Variants in TCF3 observed in about 807,000 individuals in gnomAD.
TCF3 encodes the protein transcription factor 3, also known as transcription factor E2-alpha.
Under a neutral mutation model 72.3 loss-of-function variants are expected in TCF3, and 54 were observed. The ratio of observed to expected loss-of-function variants is 0.75; its 90% CI spans 0.60 to 0.94. The LOEUF is 0.94. Among genes scored for constraint, TCF3 ranks in the 40% least tolerant of loss-of-function variants. The pLI is 0.00. For missense variants in TCF3, 1,078 were observed against 934.4 expected, an observed-to-expected ratio of 1.15 and a Z score of -2.00; for synonymous variants, 525 against 412.6, an observed-to-expected ratio of 1.27 and a Z score of -3.30.
chr19:1,647,313 G>C (rs538176563), intron 2 of TCF3, among the ~76,000 whole-genome samples: 1 of 152,236 alleles, frequency 6.6e-6, no homozygotes, highest in Non-Finnish European at 1.5e-5. Flanking sequence ...TGCGTTTTAA[G>C]GCTCCCATCG....
chr19:1,633,470 C>A (rs2063972925), intron 3 of TCF3, among the ~76,000 whole-genome samples: 1 of 152,052 alleles, frequency 6.6e-6, no homozygotes, highest in Non-Finnish European at 1.5e-5. Flanking sequence ...CCGCCCCCTG[C>A]CCTCCCTGCT....
chr19:1,648,444 T>C (rs1263626800), intron 2 of TCF3, among the ~76,000 whole-genome samples: 2 of 152,160 alleles, frequency 1.3e-5, no homozygotes, highest in African/African-American at 4.8e-5. Flanking sequence ...GGAGACGTGC[T>C]GAGTGGCTTG....
chr19:1,648,746 C>T (rs936355118), intron 2 of TCF3, among the ~76,000 whole-genome samples: 2 of 144,018 alleles, frequency 1.4e-5, no homozygotes, highest in Non-Finnish European at 3.0e-5. Context: ...GCCTCATAGG[C>T]GGGAGGGTTA....
chr19:1,615,359 T>C lies in TCF3; in HGVS notation c.1748A>G (p.Glu583Gly). ...GRMCQLHLNSEKPQTKLLILH... is the reference protein window; with the variant it reads ...GRMCQLHLNSGKPQTKLLILH... ...GATGAGCAGTTTGGTCTGGGGCTTC[T>C]CGCTGTTGAGGTGCAGTTGGCACAT... The change falls in exon 18 of 19, where the codon GAG becomes GGG. Residue 583 changes from glutamate (E) to glycine (G), a missense_variant. By Grantham distance (98) the Glu-to-Gly change is moderately conservative. Coordinates refer to ENST00000262965, the MANE Select transcript of TCF3 (RefSeq NM_003200.5). This position sits in a 1 kb window ranked among gnomAD's most constrained non-coding sequence, Gnocchi z 7.3. The C allele has an allele frequency of 6.2e-7, 1 of 1,613,814 alleles. No homozygotes were observed.
chr19:1,611,473 G>A lies in TCF3; in HGVS notation c.*234C>T. Reference sequence around the variant, plus strand: ...AGAGTGACACGGTGGCTGAGATTCGGGGACAGGGGGAGCGAGGCCAGTGAG... The same window carrying A: ...AGAGTGACACGGTGGCTGAGATTCGAGGACAGGGGGAGCGAGGCCAGTGAG... On this transcript the variant is annotated 3_prime_UTR_variant, in exon 19 of 19. Coordinates refer to ENST00000262965, the MANE Select transcript of TCF3 (RefSeq NM_003200.5). 1 of 499,502 alleles carries A rather than the reference G, an allele frequency of 2.0e-6. No individual in the cohort carries two copies. The highest frequency in any genetic ancestry group is 3.5e-6 in the Non-Finnish European group (1 of 287,298). 30.9% of individuals were successfully genotyped at this position (499,502 alleles called of 1,614,324 possible).
Position 1,625,709 on chromosome 19 carries a change from C to G in TCF3, c.367-1G>C. ...CCAGCTCGCCTGACAGGAAGCCAGCCTGGTGGGGAGCGGATGGTCAGAAAG... is the reference window on the plus strand; with the variant it reads ...CCAGCTCGCCTGACAGGAAGCCAGCGTGGTGGGGAGCGGATGGTCAGAAAG... On this transcript the variant is annotated splice_acceptor_variant, in intron 6 of 18. Coordinates refer to ENST00000262965, the MANE Select transcript of TCF3 (RefSeq NM_003200.5). LOFTEE classifies it high-confidence loss of function. 1 of 1,504,200 alleles carries G rather than the reference C, an allele frequency of 6.6e-7. No homozygotes were observed. The highest frequency in any genetic ancestry group is 8.8e-7 in the Non-Finnish European group (1 of 1,132,524). The allele number at this position is 1,504,200 out of a possible 1,614,324, so 93.2% of individuals were successfully genotyped here. A position where few individuals can be genotyped will look rare whatever the true frequency, so the allele number is the denominator to read the frequency against.
intron 16 of TCF3, among the ~76,000 whole-genome samples, chr19:1,617,817 G>A (rs530479098): frequency 2.2e-4 from 34 of 152,306 alleles, no homozygotes; most frequent in African/African-American, 8.2e-4. Flanking sequence ...GGCACTGCAG[G>A]GTGCTGAGCA....
At chr19:1,621,351 G>C (rs1275395438) in intron 11 of TCF3, 160 bp from the exon 12 acceptor site, 18 of 931,286 alleles carry the variant, frequency 1.9e-5, no homozygotes, top group Non-Finnish European at 2.8e-5. Context: ...ACCAGCCTCT[G>C]CAGGGGTTGA....
At chr19:1,635,337 C>G (rs1404334553) in intron 3 of TCF3, among the ~76,000 whole-genome samples, 1 of 152,218 alleles carries the variant, frequency 6.6e-6, no homozygotes, top group African/African-American at 2.4e-5. Context: ...CCTTCCAAGT[C>G]TGCTGACATC....
chr19:1,625,490 G>C, intron 7 of TCF3, 86 bp downstream of exon 7: 1 of 1,423,460 alleles, frequency 7.0e-7, no homozygotes, highest in South Asian at 1.5e-5. Context: ...GCTCCCTCTG[G>C]TGCCCTCAGC....
Position 1,625,661 on chromosome 19 carries a change from CAG to C in TCF3, c.412_413del (p.Leu138ValfsTer53). On this transcript the variant is annotated frameshift_variant, in exon 7 of 19. Transcript: ENST00000262965. LOFTEE classifies it high-confidence loss of function. The part of the protein sequence containing the change: ...GELALNSPGP[L>X]SPSGMKGTSQ... ...AGGTCCCCTTCATGCCCGAAGGGGA[CAG>C]GGGCCCGGGGCTGTTGAGGGCCAGC... 1 of 1,536,230 alleles carries C rather than the reference CAG, an allele frequency of 6.5e-7. No homozygotes were observed. Among genetic ancestry groups the C allele is most frequent in the Admixed American group, 2.2e-5 (1 of 44,910 alleles).
At chr19:1,626,135 C>A (rs1267113068) in intron 6 of TCF3, among the ~76,000 whole-genome samples, 1 of 152,092 alleles carries the variant, frequency 6.6e-6, no homozygotes, top group Non-Finnish European at 1.5e-5. Context: ...TGAGCCGGGT[C>A]CCGGAACTGA....
intron 3 of TCF3, among the ~76,000 whole-genome samples, chr19:1,634,904 G>C (rs183381171): frequency 6.6e-6 from 1 of 152,240 alleles, no homozygotes; most frequent in Admixed American, 6.5e-5. Context: ...TTCCAATAGA[G>C]ACCATCTGTC....
chr19:1,622,339 G>T lies in TCF3; in HGVS notation c.626C>A (p.Thr209Asn), dbSNP rs985760283. The change falls in exon 9 of 19, where the codon ACC becomes AAC. Residue 209 changes from threonine to asparagine, a missense_variant. By Grantham distance (65) the Thr-to-Asn change is moderately conservative. Coordinates refer to ENST00000262965, the MANE Select transcript of TCF3 (RefSeq NM_003200.5). ...AYPSAKTPSS[T>N]YPAPFYVADG... The stretch of plus-strand genomic sequence containing the variant: ...TGCCACGTAGAAGGGGGCGGGATAG[G>T]TGCTGCTGGGGGTCTTGGCGGACGG... 3.9e-6 allele frequency: 6 copies of T among 1,535,484 alleles called. No individual in the cohort carries two copies. In the African/African-American group the frequency reaches 6.8e-5, roughly 17 times the overall value.
intron 5 of TCF3, 151 bp downstream of exon 5, chr19:1,631,887 C>G: frequency 1.3e-6 from 2 of 1,524,530 alleles, no homozygotes; most frequent in Non-Finnish European, 1.8e-6. Flanking sequence ...CTCCCCGCAG[C>G]TGCTCCCAGG....
In TCF3 at chr19:1,641,263, A is replaced by G. The variant is rs118020847; in HGVS notation, c.145+5092T>C. 1.8e-3 allele frequency among the ~76,000 whole-genome samples: 276 copies of G among 152,286 alleles called. 4 individuals are homozygous for G. The East Asian group carries it at 0.02, about 11-fold the overall frequency. ...CCAGGGAATTATGCTAACGTAACAG[A>G]ATAAAAGCTAATCTCAGAAGGTTGC... is the stretch of plus-strand genomic sequence containing the variant. On this transcript the variant is annotated intron_variant, in intron 3 of 18. Transcript: ENST00000262965.
chr19:1,651,121 A>T lies in TCF3; in HGVS notation c.-39-834T>A, dbSNP rs927569762. On this transcript the variant is annotated intron_variant, in intron 1 of 18. Coordinates refer to ENST00000262965, the MANE Select transcript of TCF3 (RefSeq NM_003200.5). ...GCGTGGTCCCAGGGGGCTCCATTCT[A>T]AGATGGGGGATGGGGGATCCACCTG... 1.3e-4 allele frequency: 29 copies of T among 231,654 alleles called. 1 individual carries two copies. In the East Asian group the frequency reaches 1.8e-3, roughly 14 times the overall value. The allele number at this position is 231,654 out of a possible 1,614,324, so 14.3% of individuals were successfully genotyped here.
rs2061446018 is a variant in TCF3 at position 1,615,408 on chromosome 19, CGTT to C, written c.1696_1698del (p.Asn566del). Reference sequence around the variant, plus strand: ...ATGCGCCCCAGCTCCTTAAAGGCCTCGTTGATGTCACGGACCCGCAGCCGCTCC... The same window carrying C: ...ATGCGCCCCAGCTCCTTAAAGGCCTCGATGTCACGGACCCGCAGCCGCTCC... On this transcript the variant is annotated inframe_deletion, in exon 18 of 19. Transcript: ENST00000262965. This position sits in a 1 kb window ranked among gnomAD's most constrained non-coding sequence, Gnocchi z 7.3. 1 of 1,613,886 alleles carries C rather than the reference CGTT, an allele frequency of 6.2e-7. No individual in the cohort carries two copies.
Position 1,631,883 on chromosome 19 carries a change from G to A in TCF3, c.298+155C>T, listed in dbSNP as rs890262180. The A allele has an allele frequency of 1.4e-5, 22 of 1,521,774 alleles. No individual in the cohort carries two copies. The African/African-American group carries it at 2.3e-4, about 16-fold the overall frequency. 94.3% of individuals were successfully genotyped at this position (1,521,774 alleles called of 1,614,324 possible). On this transcript the variant is annotated intron_variant, in intron 5 of 18. Coordinates refer to ENST00000262965, the MANE Select transcript of TCF3 (RefSeq NM_003200.5). Reference sequence around the variant, plus strand: ...CGGGCCACGTCCCCTGCACCTCCCCGCAGCTGCTCCCAGGACGGGCAGAGG... The same window carrying A: ...CGGGCCACGTCCCCTGCACCTCCCCACAGCTGCTCCCAGGACGGGCAGAGG...
Sources: gnomAD v4.1 joint callset for allele counts (sites outside exome capture counted in the v4.1 genomes callset) on GRCh38, gnomAD v4.1.1 for gene constraint, Gnocchi (gnomAD v3.1) non-coding constraint, MANE v1.5 for transcripts, NCBI Gene and HGNC (gene_info 2026-07-23, HGNC 2026-07-21) for gene names.